Variants in WSB2 observed in about 807,000 individuals in gnomAD.
WSB2 encodes the protein WD repeat and SOCS box containing 2.
Under a neutral mutation model 48.8 loss-of-function variants are expected in WSB2, and 12 were observed. The observed-to-expected ratio is 0.25, with a 90% CI of 0.16 to 0.40. The LOEUF (loss-of-function observed/expected upper bound fraction) is 0.40. Among genes scored for constraint, WSB2 ranks in the 10% least tolerant of loss-of-function variants. WSB2 has a pLI of 1.00. For missense variants in WSB2, 317 were observed against 506.2 expected (o/e 0.63, Z 3.59); for synonymous variants, 191 against 203.1 (o/e 0.94, Z 0.51).
intron 5 of WSB2, among the ~76,000 whole-genome samples, chr12:118,037,118 G>A (rs966594832): frequency 3.9e-5 from 6 of 152,062 alleles, no homozygotes; most frequent in Admixed American, 2.0e-4. Context: ...GTAGGTGGAG[G>A]TTGCAGTGAC....
At chr12:118,037,443 G>C (rs1366999210) in intron 5 of WSB2, among the ~76,000 whole-genome samples, 1 of 152,132 alleles carries the variant, frequency 6.6e-6, no homozygotes, top group African/African-American at 2.4e-5. Context: ...CAGGCGGGCG[G>C]ATCACCTGAG....
chr12:118,042,625 C>T (rs548181628), intron 4 of WSB2: 164 of 591,188 alleles, frequency 2.8e-4, no homozygotes, highest in African/African-American at 2.8e-3. Context: ...TAAATAGACA[C>T]ACAGTATATG....
Position 118,035,970 on chromosome 12 carries a change from A to AG in WSB2, c.833+367dup, listed in dbSNP as rs1566135464. On this transcript the variant is annotated intron_variant, in intron 6 of 8. Transcript: ENST00000315436. ...CCTATAATAGCAGTTTGGGAGACTG[A>AG]GGCGGTGGATCACCTGAGGTCAGGA... 5.3e-5 allele frequency: 9 copies of AG among 168,450 alleles called. No individual in the cohort carries two copies. In the South Asian group the frequency reaches 1.4e-3, roughly 25 times the overall value. The allele number at this position is 168,450 out of a possible 1,614,324, so 10.4% of individuals were successfully genotyped here. A position where few individuals can be genotyped will look rare whatever the true frequency, so the allele number is the denominator to read the frequency against.
rs2031418862 is a variant in WSB2 at position 118,033,402 on chromosome 12, C to CTGT, written c.*791_*793dup. 6.6e-6 allele frequency: 1 copy of CTGT among 152,546 alleles called. No individual in the cohort carries two copies. Among genetic ancestry groups the CTGT allele is most frequent in the African/African-American group, 2.4e-5 (1 of 41,404 alleles). 9.4% of individuals were successfully genotyped at this position (152,546 alleles called of 1,614,324 possible). On this transcript the variant is annotated 3_prime_UTR_variant, in exon 9 of 9. Transcript: ENST00000315436. ...GAAAAACACAGTTGTACCTTAACAT[C>CTGT]TGTTGAGAAAATACAAATAAATATG...
intron 4 of WSB2, among the ~76,000 whole-genome samples, chr12:118,040,215 C>T (rs1413227169): frequency 1.3e-5 from 2 of 152,040 alleles, no homozygotes; most frequent in Non-Finnish European, 2.9e-5. Flanking sequence ...TGTCAAATCT[C>T]AGGGTGCTGG....
intron 3 of WSB2, 42 bp downstream of exon 3, chr12:118,043,091 C>A (rs2031673106): frequency 6.2e-7 from 1 of 1,613,918 alleles, no homozygotes; most frequent in Admixed American, 1.7e-5. Flanking sequence ...AGAACATGCA[C>A]CCGAGCCTCC....
At chr12:118,038,428 C>T (rs371935763) in intron 4 of WSB2, 40 bp from the exon 5 acceptor site, 49 of 1,591,964 alleles carry the variant, frequency 3.1e-5, no homozygotes, top group East Asian at 1.3e-4. Context: ...CAGTCCTCAA[C>T]AAAGCAGGAA....
Position 118,052,381 on chromosome 12 carries a change from A to T in WSB2, c.111T>A (p.Asp37Glu). 4 of 1,614,214 alleles carry T rather than the reference A, an allele frequency of 2.5e-6. No individual in the cohort carries two copies. The highest frequency in any genetic ancestry group is 3.4e-6 in the Non-Finnish European group (4 of 1,180,030). The change falls in exon 2 of 9, where the codon GAT becomes GAA. Residue 37 changes from aspartate to glutamate, a missense_variant. Physicochemically the swap from Asp to Glu is conservative, Grantham distance 45 (BLOSUM62 2). Coordinates refer to ENST00000315436, the MANE Select transcript of WSB2 (RefSeq NM_018639.5). ...CTTGAGACCAAGCAAACCAGGAGCC[A>T]TCTGGGGAGAAGGCGACGCTCCAGG... Reference protein sequence around the residue: ...CETWSVAFSPDGSWFAWSQGH... With the variant: ...CETWSVAFSPEGSWFAWSQGH...
chr12:118,061,467 G>A (rs982882983), upstream of WSB2, among the ~76,000 whole-genome samples: 9 of 151,396 alleles, frequency 5.9e-5, no homozygotes, highest in East Asian at 1.8e-3. Flanking sequence ...GGGTCCTGAG[G>A]GGAACCAGCG....
chr12:118,060,913 C>T lies in WSB2; in HGVS notation c.13+123G>A, dbSNP rs1455178623. On this transcript the variant is annotated intron_variant, in intron 1 of 8. Transcript: ENST00000315436. This position sits in a 1 kb window ranked among gnomAD's most constrained non-coding sequence, Gnocchi z 4.1. ...CCGCGCGGACCTCCCAGGCCGGACG[C>T]CCCCGCCGCGTCCAGCCCCCGCCCC... 9 of 390,538 alleles carry T rather than the reference C, an allele frequency of 2.3e-5. No individual in the cohort carries two copies. Among genetic ancestry groups the T allele is most frequent in the Non-Finnish European group, 3.1e-5 (9 of 286,562 alleles). 24.2% of individuals were successfully genotyped at this position (390,538 alleles called of 1,614,324 possible).
chr12:118,038,229 G>T, intron 5 of WSB2, 59 bp downstream of exon 5: 1 of 1,518,902 alleles, frequency 6.6e-7, no homozygotes, highest in Non-Finnish European at 8.9e-7. Flanking sequence ...ACACACACCA[G>T]GCCACCACTT....
At chr12:118,049,171 T>C (rs570783791) in intron 2 of WSB2, among the ~76,000 whole-genome samples, 1 of 152,318 alleles carries the variant, frequency 6.6e-6, no homozygotes, top group South Asian at 2.1e-4. Flanking sequence ...GGTAGGGAAT[T>C]AGTAAACAAT....
At chr12:118,045,134 T>TG (rs969650530) in intron 2 of WSB2, among the ~76,000 whole-genome samples, 3 of 151,988 alleles carry the variant, frequency 2.0e-5, no homozygotes, top group African/African-American at 7.2e-5. Flanking sequence ...CCCAGCACTT[T>TG]GGGAGGCCAA....
chr12:118,046,660 C>T (rs149493367), intron 2 of WSB2, among the ~76,000 whole-genome samples: 11 of 152,230 alleles, frequency 7.2e-5, no homozygotes, highest in South Asian at 2.1e-4. Flanking sequence ...TTTGTTGTCA[C>T]GAGAAGCAGC....
chr12:118,035,305 C>T lies in WSB2; in HGVS notation c.853G>A (p.Ala285Thr), dbSNP rs781441613. 46 of 1,613,974 alleles carry T rather than the reference C, an allele frequency of 2.9e-5. No homozygotes were observed. Among genetic ancestry groups the T allele is most frequent in the East Asian group, 2.2e-5 (1 of 44,892 alleles). The change falls in exon 7 of 9, where the codon GCC (alanine) becomes ACC (threonine). Residue 285 changes from alanine to threonine, a missense_variant. Ala to Thr is a moderately conservative substitution (Grantham distance 58). Around this residue, in one of 2 missense-constraint regions of WSB2, gnomAD observed 189 missense variants for 349.6 expected, o/e 0.54. Coordinates refer to ENST00000315436, the MANE Select transcript of WSB2 (RefSeq NM_018639.5). ...RSLHHTQVDP[A>T]MDDSDVHISS... ...ATGTGGACGTCACTGTCATCCATGG[C>T]GGGGTCAACCTGGGTGTGGCTGGGA...
intron 8 of WSB2, 175 bp from the exon 9 acceptor site, chr12:118,034,533 G>T: frequency 1.4e-6 from 1 of 715,116 alleles, no homozygotes; most frequent in Non-Finnish European, 2.2e-6. Flanking sequence ...TAAAGCTGCT[G>T]ATAGGATTAG....
At chr12:118,042,712 G>T (rs1328580851) in intron 4 of WSB2, 129 bp downstream of exon 4, 3 of 1,454,962 alleles carry the variant, frequency 2.1e-6, no homozygotes, top group Non-Finnish European at 2.8e-6. Flanking sequence ...TGTCTAAAAG[G>T]CTCCTTAAGG....
chr12:118,038,162 T>C (rs11068779), intron 5 of WSB2, 126 bp downstream of exon 5: 139,758 of 807,614 alleles, frequency 0.17, 12,544 homozygotes, highest in African/African-American at 0.21. Context: ...GTGGTGGCCA[T>C]GGCCCACCAG....
chr12:118,047,679 C>A (rs988114473), intron 2 of WSB2, among the ~76,000 whole-genome samples: 34 of 152,164 alleles, frequency 2.2e-4, no homozygotes, highest in African/African-American at 6.8e-4. Context: ...TGCCACTGTA[C>A]TCCAGCCTGG....
Sources: gnomAD v4.1 joint callset for allele counts (sites outside exome capture counted in the v4.1 genomes callset) on GRCh38, gnomAD v4.1.1 for gene constraint, gnomAD v4.1.1 regional missense constraint, Gnocchi (gnomAD v3.1) non-coding constraint, MANE v1.5 for transcripts, NCBI Gene and HGNC (gene_info 2026-07-23, HGNC 2026-07-21) for gene names.